The following LUC7L2 variants were observed in gnomAD, a reference collection of about 807,000 sequenced individuals.
The protein encoded by LUC7L2 is LUC7 like 2, pre-mRNA splicing factor.
In LUC7L2, 25 loss-of-function variants were observed where a neutral mutation model predicts 52.8. That is an observed-to-expected ratio of 0.47 (90% CI 0.34 to 0.66). LUC7L2 has a LOEUF of 0.66. Among genes scored for constraint, LUC7L2 ranks in the 30% least tolerant of loss-of-function variants. LUC7L2 has a pLI of 0.01. For synonymous variants in LUC7L2, 144 were observed against 160.9 expected, an observed-to-expected ratio of 0.89 and a Z score of 0.80; for missense variants, 328 against 497.8, an observed-to-expected ratio of 0.66 and a Z score of 3.25.
intron 1 of LUC7L2, among the ~76,000 whole-genome samples, chr7:139,351,627 C>T (rs886277200): frequency 1.3e-5 from 2 of 152,230 alleles, no homozygotes; most frequent in African/African-American, 4.8e-5. Context: ...GGGCCTGGCC[C>T]TTGCCAGACC....
chr7:139,397,309 TCTC>T (rs1473634419), intron 2 of LUC7L2, among the ~76,000 whole-genome samples: 1 of 152,202 alleles, frequency 6.6e-6, no homozygotes, highest in Non-Finnish European at 1.5e-5. Context: ...AGAAAGGTCT[TCTC>T]TGACCAACTC....
chr7:139,392,441 T>C, intron 2 of LUC7L2: 1 of 399,816 alleles, frequency 2.5e-6, no homozygotes. Flanking sequence ...AGTAAAACAA[T>C]ATAAAATGCT....
At chr7:139,342,332 G>T (rs1799023789) in intron 1 of LUC7L2, among the ~76,000 whole-genome samples, 1 of 152,068 alleles carries the variant, frequency 6.6e-6, no homozygotes, top group African/African-American at 2.4e-5. Flanking sequence ...AATTAATCAG[G>T]GACCTGAAGG....
chr7:139,414,129 GC>G (rs1795487302), intron 8 of LUC7L2, among the ~76,000 whole-genome samples: 1 of 152,084 alleles, frequency 6.6e-6, no homozygotes, highest in African/African-American at 2.4e-5. Flanking sequence ...CTCTGTGCTT[GC>G]CCACCCCCCT....
chr7:139,340,670 A>G (rs879389302), intron 1 of LUC7L2: 4 of 394,760 alleles, frequency 1.0e-5, no homozygotes, highest in Admixed American at 4.4e-5. Flanking sequence ...AAATAGTTGA[A>G]TATGTTGTGT....
At chr7:139,392,826 A>T (rs1041778417) in intron 2 of LUC7L2, among the ~76,000 whole-genome samples, 16 of 151,786 alleles carry the variant, frequency 1.1e-4, no homozygotes, top group Non-Finnish European at 2.4e-4. Context: ...CTAATTTTGT[A>T]TTTTTTTAGT....
At chr7:139,394,386 T>C (rs1339565840) in intron 2 of LUC7L2, among the ~76,000 whole-genome samples, 1 of 152,194 alleles carries the variant, frequency 6.6e-6, no homozygotes, top group African/African-American at 2.4e-5. Context: ...CCCAAAAGGC[T>C]ACTCTCACCA....
At chr7:139,361,762 T>C (rs1317396566) in intron 1 of LUC7L2, among the ~76,000 whole-genome samples, 2 of 122,226 alleles carry the variant, frequency 1.6e-5, no homozygotes, top group Admixed American at 7.2e-5. Flanking sequence ...CATTCCTCCT[T>C]TTCCAACATG....
At chr7:139,363,476 C>G (rs1271557106) in intron 1 of LUC7L2, among the ~76,000 whole-genome samples, 1 of 152,108 alleles carries the variant, frequency 6.6e-6, no homozygotes, top group Non-Finnish European at 1.5e-5. Flanking sequence ...CCTTTTTTGC[C>G]TCAAGTTAAA....
chr7:139,393,227 A>G (rs1429721153), intron 2 of LUC7L2, among the ~76,000 whole-genome samples: 8 of 151,904 alleles, frequency 5.3e-5, no homozygotes, highest in African/African-American at 1.2e-4. Flanking sequence ...AGATTGCACC[A>G]CTGCACTCCA....
intron 2 of LUC7L2, among the ~76,000 whole-genome samples, chr7:139,394,682 TAGAC>T (rs1794586055): frequency 6.6e-6 from 1 of 152,200 alleles, no homozygotes; most frequent in African/African-American, 2.4e-5. Context: ...AGAAAGGAAG[TAGAC>T]AGCTGCTTTG....
In LUC7L2 at chr7:139,398,640, T is replaced by C; in HGVS notation, c.198T>C (p.Ala66=). The C allele has an allele frequency of 6.2e-7, 1 of 1,613,036 alleles. No individual in the cohort carries two copies. The highest frequency in any genetic ancestry group is 1.7e-5 in the Admixed American group (1 of 59,738). ...LGECLKVHDL[A]LRADYEIASK... ...AATGTCTGAAAGTCCATGACCTGGC[T>C]TTAAGAGCGGATTATGAAATTGCAT... The change falls in exon 3 of 10, where the codon GCT becomes GCC. Residue 66 remains alanine, a synonymous_variant. Transcript: ENST00000354926.
At chr7:139,342,513 G>C (rs1322449100) in intron 1 of LUC7L2, among the ~76,000 whole-genome samples, 1 of 152,130 alleles carries the variant, frequency 6.6e-6, no homozygotes, top group Non-Finnish European at 1.5e-5. Flanking sequence ...AAACTTTATT[G>C]TAAGTGTAAT....
intron 1 of LUC7L2, chr7:139,371,551 G>C: frequency 7.5e-7 from 1 of 1,329,734 alleles, no homozygotes; most frequent in South Asian, 1.3e-5. Flanking sequence ...GGAGAGGGTG[G>C]GTAGTACTGG....
chr7:139,417,964 A>G (rs1191153998), intron 9 of LUC7L2, among the ~76,000 whole-genome samples: 1 of 152,180 alleles, frequency 6.6e-6, no homozygotes, highest in Admixed American at 6.5e-5. Context: ...TGTAGAGGTT[A>G]TTGCTTTTCT....
intron 2 of LUC7L2, among the ~76,000 whole-genome samples, chr7:139,378,118 A>G (rs182452449): frequency 4.6e-4 from 70 of 152,188 alleles, no homozygotes; most frequent in African/African-American, 1.7e-3. Context: ...GCACCTGGCC[A>G]TAATAAACTC....
chr7:139,371,618 C>T (rs1186697668), intron 1 of LUC7L2, among the ~76,000 whole-genome samples: 2 of 152,118 alleles, frequency 1.3e-5, no homozygotes, highest in Non-Finnish European at 2.9e-5. Flanking sequence ...ATGTCAGATA[C>T]TACCTAGGCT....
At chr7:139,412,418 T>C in intron 7 of LUC7L2, 133 bp from the exon 8 acceptor site, 6 of 1,091,314 alleles carry the variant, frequency 5.5e-6, no homozygotes, top group Non-Finnish European at 7.5e-6. Context: ...TGGAAAATTT[T>C]GTGTGCGTAG....
chr7:139,417,393 A>C, intron 8 of LUC7L2, 145 bp from the exon 9 acceptor site: 3 of 1,030,822 alleles, frequency 2.9e-6, no homozygotes, highest in South Asian at 3.5e-5. Flanking sequence ...TTAACACACC[A>C]GCAATTCAGT....
Sources: gnomAD v4.1 joint callset for allele counts (sites outside exome capture counted in the v4.1 genomes callset) on GRCh38, gnomAD v4.1.1 for gene constraint, MANE v1.5 for transcripts, NCBI Gene and HGNC (gene_info 2026-07-23, HGNC 2026-07-21) for gene names.